Variants in PLEKHA5 observed in about 807,000 individuals in gnomAD.
PLEKHA5 encodes pleckstrin homology domain-containing family A member 5.
In PLEKHA5, 55 loss-of-function variants were observed where a neutral mutation model predicts 181.9. That is an observed-to-expected ratio of 0.30 (90% CI 0.24 to 0.38). The LOEUF (loss-of-function observed/expected upper bound fraction) is 0.38, where lower values mean the gene tolerates loss of function less well. Ranked by LOEUF, PLEKHA5 falls within the 10% of genes least tolerant of loss-of-function variation. The pLI is 1.00. For missense variants in PLEKHA5, 1,432 were observed against 1,549.5 expected (o/e 0.92, Z 1.27); for synonymous variants, 535 against 529.4 (o/e 1.01, Z -0.15).
At chr12:19,196,011 A>G (rs1208313009) in intron 3 of PLEKHA5, among the ~76,000 whole-genome samples, 1 of 152,140 alleles carries the variant, frequency 6.6e-6, no homozygotes, top group South Asian at 2.1e-4. Flanking sequence ...ACCTACACTA[A>G]TTGAGATGAT....
intron 3 of PLEKHA5, among the ~76,000 whole-genome samples, chr12:19,192,677 G>A (rs1306478104): frequency 1.3e-5 from 2 of 152,186 alleles, no homozygotes; most frequent in Non-Finnish European, 2.9e-5. Context: ...CTGCAGTGCA[G>A]CGTGGGCCAC....
In PLEKHA5 at chr12:19,343,553, T is replaced by C. The variant is rs528415385; in HGVS notation, c.2662+119T>C. The C allele has an allele frequency of 1.0e-5, 7 of 683,518 alleles. No homozygotes were observed. In the African/African-American group the frequency reaches 1.2e-4, roughly 12 times the overall value. The allele number at this position is 683,518 out of a possible 1,614,324, so 42.3% of individuals were successfully genotyped here. A position where few individuals can be genotyped will look rare whatever the true frequency, so the allele number is the denominator to read the frequency against. On this transcript the variant is annotated intron_variant, in intron 22 of 31. Coordinates refer to ENST00000429027, the MANE Select transcript of PLEKHA5 (RefSeq NM_001256470.2). Reference sequence around the variant, plus strand: ...AGGTGATTGTGTTGTACAATCAGAGTGTACTTAAACAAATCTAGTTGTATG... The same window carrying C: ...AGGTGATTGTGTTGTACAATCAGAGCGTACTTAAACAAATCTAGTTGTATG...
chr12:19,313,336 C>G (rs2087281760), intron 15 of PLEKHA5, among the ~76,000 whole-genome samples: 1 of 152,172 alleles, frequency 6.6e-6, no homozygotes, highest in Admixed American at 6.5e-5. Context: ...GATAGGGCCA[C>G]TGCATTCCAA....
chr12:19,320,552 T>G lies in PLEKHA5; in HGVS notation c.2155-10T>G. 7.1e-7 allele frequency: 1 copy of G among 1,398,962 alleles called. No individual in the cohort carries two copies. The highest frequency in any genetic ancestry group is 1.0e-6 in the Non-Finnish European group (1 of 999,964). The allele number at this position is 1,398,962 out of a possible 1,614,324, so 86.7% of individuals were successfully genotyped here. A position where few individuals can be genotyped will look rare whatever the true frequency, so the allele number is the denominator to read the frequency against. On this transcript the variant is annotated splice_polypyrimidine_tract_variant and intron_variant, in intron 17 of 31. Transcript: ENST00000429027. The stretch of plus-strand genomic sequence containing the variant: ...ATTTTTTAAGTTGCTATATGATTTT[T>G]TTCTTATAGCTGTCACAAGATGAAG...
intron 26 of PLEKHA5, among the ~76,000 whole-genome samples, chr12:19,356,849 C>T (rs1423662680): frequency 2.6e-5 from 4 of 151,886 alleles, no homozygotes; most frequent in Admixed American, 2.6e-4. Flanking sequence ...TTAGTAGACA[C>T]AGGGTTTCAC....
rs2094103273 is a variant in PLEKHA5, at chr12:19,343,576, A to G, written c.2662+142A>G. On this transcript the variant is annotated intron_variant, in intron 22 of 31. Transcript: ENST00000429027. Reference sequence around the variant, plus strand: ...AGTGTACTTAAACAAATCTAGTTGTATGGCCTACTACACACCTAGGCTATG... The same window carrying G: ...AGTGTACTTAAACAAATCTAGTTGTGTGGCCTACTACACACCTAGGCTATG... 3.4e-5 allele frequency: 22 copies of G among 647,048 alleles called. No individual in the cohort carries two copies. In the South Asian group the frequency reaches 3.9e-4, roughly 11 times the overall value. The allele number at this position is 647,048 out of a possible 1,614,324, so 40.1% of individuals were successfully genotyped here. A position where few individuals can be genotyped will look rare whatever the true frequency, so the allele number is the denominator to read the frequency against.
chr12:19,272,970 G>A (rs1048951286), intron 10 of PLEKHA5, among the ~76,000 whole-genome samples: 10 of 152,084 alleles, frequency 6.6e-5, no homozygotes, highest in South Asian at 2.1e-4. Flanking sequence ...GCAGTGGCAC[G>A]ATCTCAGCTC....
intron 3 of PLEKHA5, among the ~76,000 whole-genome samples, chr12:19,142,043 T>C (rs2037503898): frequency 6.6e-6 from 1 of 152,170 alleles, no homozygotes. Context: ...CAACTTTCGC[T>C]AAAGTGGTTG....
chr12:19,349,848 C>T (rs1393547241), intron 25 of PLEKHA5, among the ~76,000 whole-genome samples: 1 of 151,884 alleles, frequency 6.6e-6, no homozygotes, highest in East Asian at 1.9e-4. Flanking sequence ...CACGGTGGCT[C>T]ACTCCTGTAA....
At chr12:19,358,537 A>G (rs2095066658) in intron 27 of PLEKHA5, 100 bp downstream of exon 27, 3 of 674,508 alleles carry the variant, frequency 4.4e-6, no homozygotes, top group Non-Finnish European at 7.6e-6. Flanking sequence ...GGTCTGCAGT[A>G]TGGATACTTA....
At chr12:19,361,759 A>G in intron 29 of PLEKHA5, 53 bp downstream of exon 29, 1 of 1,477,330 alleles carries the variant, frequency 6.8e-7, no homozygotes, top group East Asian at 2.3e-5. Flanking sequence ...TAACTGCTTA[A>G]AAATGGTGAA....
chr12:19,322,320 G>C lies in PLEKHA5; in HGVS notation c.2228G>C (p.Ser743Thr), dbSNP rs985082149. ...TCTCTTATAACCTAGGCCAAGTTAA[G>C]CCGATTATGTGAACAAGATAAAGTG... is the stretch of plus-strand genomic sequence containing the variant. ...PEEVDIDAKL[S>T]RLCEQDKVVH... is the part of the protein sequence containing the mutation. The change falls in exon 19 of 32, where the codon AGC becomes ACC. Residue 743 changes from serine to threonine, a missense_variant. Around this residue, in one of 2 missense-constraint regions of PLEKHA5, gnomAD observed 1,143 missense variants for 1,168.4 expected, o/e 0.98. Coordinates refer to ENST00000429027, the MANE Select transcript of PLEKHA5 (RefSeq NM_001256470.2). The C allele has an allele frequency of 4.3e-6, 7 of 1,612,478 alleles. No individual in the cohort carries two copies. The African/African-American group carries it at 8.0e-5, about 18-fold the overall frequency.
At chr12:19,325,055 T>A (rs1268051809) in intron 20 of PLEKHA5, among the ~76,000 whole-genome samples, 1 of 152,248 alleles carries the variant, frequency 6.6e-6, no homozygotes, top group African/African-American at 2.4e-5. Context: ...CATCTCAAGG[T>A]TAACTTTAGC....
intron 3 of PLEKHA5, among the ~76,000 whole-genome samples, chr12:19,164,229 C>G (rs1323969027): frequency 8.2e-6 from 1 of 121,886 alleles, no homozygotes; most frequent in Non-Finnish European, 1.6e-5. Context: ...GATGGAGTCT[C>G]TCTCTGTTGC....
At chr12:19,350,221 C>A (rs1195540838) in intron 25 of PLEKHA5, among the ~76,000 whole-genome samples, 1 of 152,122 alleles carries the variant, frequency 6.6e-6, no homozygotes, top group Non-Finnish European at 1.5e-5. Context: ...TAAACATGTT[C>A]TAGATATTAG....
At chr12:19,353,667 C>G (rs1205234353) in intron 25 of PLEKHA5, among the ~76,000 whole-genome samples, 1 of 151,410 alleles carries the variant, frequency 6.6e-6, no homozygotes, top group Admixed American at 6.6e-5. Context: ...CCATGTTGGT[C>G]AGGCTGGTCT....
chr12:19,330,208 G>A (rs1296598654), intron 20 of PLEKHA5, among the ~76,000 whole-genome samples: 3 of 152,144 alleles, frequency 2.0e-5, no homozygotes, highest in Admixed American at 1.3e-4. Flanking sequence ...GAGATGAGAA[G>A]TTAGTTTTGT....
intron 3 of PLEKHA5, among the ~76,000 whole-genome samples, chr12:19,140,888 A>G (rs2037069188): frequency 6.6e-6 from 1 of 152,146 alleles, no homozygotes; most frequent in South Asian, 2.1e-4. Flanking sequence ...TCCTGGGTTC[A>G]AGTGATTCTC....
rs2033170389 is a variant in PLEKHA5, at chr12:19,130,314, A to G, written c.169+184A>G. Among the ~76,000 whole-genome samples, 1 of 151,226 alleles carries G rather than the reference A, an allele frequency of 6.6e-6. No homozygotes were observed. Among genetic ancestry groups the G allele is most frequent in the African/African-American group, 2.4e-5 (1 of 41,104 alleles). On this transcript the variant is annotated intron_variant, in intron 2 of 31. Transcript: ENST00000429027. The surrounding 1 kb of genome is among the most constrained non-coding windows in gnomAD (Gnocchi z 4.5). ...GACTCCGCCGCCGGGAGTTCTCTCCAGTCTCGGGGCGCCTCTTTCTCCTCA... is the reference window on the plus strand; with the variant it reads ...GACTCCGCCGCCGGGAGTTCTCTCCGGTCTCGGGGCGCCTCTTTCTCCTCA...
Sources: gnomAD v4.1 joint callset for allele counts (sites outside exome capture counted in the v4.1 genomes callset) on GRCh38, gnomAD v4.1.1 for gene constraint, gnomAD v4.1.1 regional missense constraint, Gnocchi (gnomAD v3.1) non-coding constraint, MANE v1.5 for transcripts, NCBI Gene and HGNC (gene_info 2026-07-23, HGNC 2026-07-21) for gene names.